EGFR: variants seen among roughly 807,000 people sequenced by gnomAD.
EGFR encodes avian erythroblastic leukemia viral (v-erb-b) oncogene homolog.
EGFR carries 58 observed loss-of-function variants against 143.0 expected under a neutral mutation model. That is an observed-to-expected ratio of 0.41 (90% confidence interval 0.33 to 0.50). The LOEUF (loss-of-function observed/expected upper bound fraction) is 0.50, where lower values mean the gene tolerates loss of function less well. Among genes scored for constraint, EGFR ranks in the 20% least tolerant of loss-of-function variants. The pLI is 0.39. For synonymous variants in EGFR, 613 were observed against 594.4 expected (o/e 1.03, Z -0.45); for missense variants, 1,307 against 1,579.0 (o/e 0.83, Z 2.92).
intron 1 of EGFR, among the ~76,000 whole-genome samples, chr7:55,032,411 A>G (rs974652823): frequency 6.6e-6 from 1 of 152,220 alleles, no homozygotes; most frequent in Non-Finnish European, 1.5e-5. Context: ...AATTTATTTC[A>G]AAAAGAGTTT....
chr7:55,149,479 C>T (rs762432680), intron 4 of EGFR, among the ~76,000 whole-genome samples: 15 of 152,044 alleles, frequency 9.9e-5, no homozygotes, highest in Admixed American at 2.0e-4. Flanking sequence ...AGCATCACAC[C>T]TTCCTTTGCA....
intron 1 of EGFR, among the ~76,000 whole-genome samples, chr7:55,104,183 G>A (rs534190938): frequency 1.5e-4 from 23 of 152,308 alleles, no homozygotes; most frequent in Admixed American, 1.1e-3. Context: ...GCACTATCCC[G>A]AGTGCTTTGG....
chr7:55,163,369 A>G lies in EGFR; in HGVS notation c.1632-364A>G, dbSNP rs557449072. 2.6e-5 allele frequency among the ~76,000 whole-genome samples: 4 copies of G among 152,296 alleles called. No individual in the cohort carries two copies. In the South Asian group the frequency reaches 8.3e-4, roughly 32 times the overall value. On this transcript the variant is annotated intron_variant, in intron 13 of 27. Transcript: ENST00000275493. ...TCCCTCCTTCCTTTTTCTATCACTTAATCTAAAATTATCATTTTTCCAGCT... is the reference window on the plus strand; with the variant it reads ...TCCCTCCTTCCTTTTTCTATCACTTGATCTAAAATTATCATTTTTCCAGCT...
Position 55,151,809 on chromosome 7 carries a change from G to A in EGFR, c.628+447G>A, listed in dbSNP as rs17289788. Among the ~76,000 whole-genome samples, 1,328 of 152,330 alleles carry A rather than the reference G, an allele frequency of 8.7e-3. 14 individuals are homozygous for A. Among genetic ancestry groups the A allele is most frequent in the Middle Eastern group, 0.017 (5 of 294 alleles). ...GAATGGCATGAACCTGGGAGGCGGA[G>A]CTTGCAGTGAGCCGAGATTGTGCCA... is the stretch of plus-strand genomic sequence containing the variant. On this transcript the variant is annotated intron_variant, in intron 5 of 27. Coordinates refer to ENST00000275493, the MANE Select transcript of EGFR (RefSeq NM_005228.5).
intron 1 of EGFR, among the ~76,000 whole-genome samples, chr7:55,022,175 G>A (rs561288982): frequency 6.6e-5 from 10 of 152,302 alleles, no homozygotes; most frequent in African/African-American, 2.2e-4. Flanking sequence ...TGAGCATGGA[G>A]TGGAGACTGC....
chr7:55,054,843 G>A (rs764898472), intron 1 of EGFR, among the ~76,000 whole-genome samples: 3 of 152,192 alleles, frequency 2.0e-5, no homozygotes, highest in Non-Finnish European at 4.4e-5. Flanking sequence ...TCCCATGTTT[G>A]TGGCTACAGG....
Position 55,210,838 on chromosome 7 carries a change from T to C in EGFR, c.*5221T>C, listed in dbSNP as rs1376295755. On this transcript the variant is annotated 3_prime_UTR_variant, in exon 28 of 28. Transcript: ENST00000275493. ...CTTGCTGCTTATGCAGCTGACATTG[T>C]TGCCCTCCCTAAAGCAACCAAGTAG... 6.6e-6 allele frequency: 1 copy of C among 152,240 alleles called. No individual in the cohort carries two copies. Among genetic ancestry groups the C allele is most frequent in the East Asian group, 1.9e-4 (1 of 5,202 alleles). The allele number at this position is 152,240 out of a possible 1,614,324, so 9.4% of individuals were successfully genotyped here. A position where few individuals can be genotyped will look rare whatever the true frequency, so the allele number is the denominator to read the frequency against.
rs528967822 is a variant in EGFR at position 55,187,018 on chromosome 7, CCT to C, written c.2470-4698_2470-4697del. 1.6e-4 allele frequency among the ~76,000 whole-genome samples: 25 copies of C among 152,306 alleles called. No homozygotes were observed. The South Asian group carries it at 3.5e-3, about 21-fold the overall frequency. The stretch of plus-strand genomic sequence containing the variant: ...ACAGGTCCTTTCCCTGTCCAGGAGG[CCT>C]CTGTGGGTGAGAGTTGGCTGCGGAC... On this transcript the variant is annotated intron_variant, in intron 20 of 27. Transcript: ENST00000275493.
chr7:55,090,968 CT>C (rs1366053533), intron 1 of EGFR, among the ~76,000 whole-genome samples: 4 of 152,144 alleles, frequency 2.6e-5, no homozygotes, highest in Non-Finnish European at 4.4e-5. Flanking sequence ...TTAAATGTGA[CT>C]TTGCTTTTTC....
chr7:55,118,112 T>C (rs1395507212), intron 1 of EGFR, among the ~76,000 whole-genome samples: 1 of 152,248 alleles, frequency 6.6e-6, no homozygotes, highest in Non-Finnish European at 1.5e-5. Flanking sequence ...GAATCCTTTA[T>C]TCATAAAATG....
intron 1 of EGFR, among the ~76,000 whole-genome samples, chr7:55,120,592 C>T (rs1793141734): frequency 6.6e-6 from 1 of 152,170 alleles, no homozygotes; most frequent in Non-Finnish European, 1.5e-5. Context: ...CATCTATCCC[C>T]CTTCCTAGAC....
intron 1 of EGFR, among the ~76,000 whole-genome samples, chr7:55,081,665 G>A (rs1362469886): frequency 6.6e-6 from 1 of 151,718 alleles, no homozygotes; most frequent in East Asian, 1.9e-4. Context: ...GCGAGGAGGG[G>A]CCATCACTGC....
At chr7:55,139,080 C>T (rs747331081) in intron 1 of EGFR, among the ~76,000 whole-genome samples, 15 of 152,196 alleles carry the variant, frequency 9.9e-5, no homozygotes, top group Non-Finnish European at 2.2e-4. Context: ...AAAGTTTCCA[C>T]CTCTCAACAC....
chr7:55,146,460 C>G (rs911813972), intron 3 of EGFR, 146 bp from the exon 4 acceptor site: 1 of 1,289,518 alleles, frequency 7.8e-7, no homozygotes, highest in African/African-American at 1.5e-5. Context: ...GGCCGCCCCC[C>G]GGGAAGTTCA....
intron 15 of EGFR, among the ~76,000 whole-genome samples, chr7:55,167,575 A>G (rs1372087942): frequency 2.6e-5 from 4 of 151,152 alleles, no homozygotes; most frequent in Admixed American, 2.6e-4. Flanking sequence ...GATGGTGGTG[A>G]GGAGGTGGGA....
chr7:55,118,104 A>G (rs1167157468), intron 1 of EGFR, among the ~76,000 whole-genome samples: 1 of 152,196 alleles, frequency 6.6e-6, no homozygotes, highest in Non-Finnish European at 1.5e-5. Context: ...TCATTAATGA[A>G]TCCTTTATTC....
chr7:55,086,321 T>G (rs1790757555), intron 1 of EGFR, among the ~76,000 whole-genome samples: 3 of 151,920 alleles, frequency 2.0e-5, no homozygotes, highest in Admixed American at 2.0e-4. Context: ...TATAAGATAG[T>G]CTATGGTAAT....
At chr7:55,169,408 T>C (rs940813) in intron 15 of EGFR, among the ~76,000 whole-genome samples, 42,624 of 152,126 alleles carry the variant, frequency 0.28, 6,568 homozygotes, top group East Asian at 0.55. Flanking sequence ...GGAATATCTA[T>C]TTTTAAATGG....
chr7:55,156,421 A>C, intron 8 of EGFR, 112 bp from the exon 9 acceptor site: 1 of 1,430,178 alleles, frequency 7.0e-7, no homozygotes. Context: ...ATGATGTGGC[A>C]GTGGCGGTTC....
Sources: gnomAD v4.1 joint callset for allele counts (sites outside exome capture counted in the v4.1 genomes callset) on GRCh38, gnomAD v4.1.1 for gene constraint, MANE v1.5 for transcripts, NCBI Gene and HGNC (gene_info 2026-07-23, HGNC 2026-07-21) for gene names.